The following NFATC2 variants were observed in gnomAD, a reference collection of about 807,000 sequenced individuals.
NFATC2 encodes nuclear factor of activated T cells 2.
A neutral mutation model predicts 87.3 loss-of-function variants in NFATC2; 22 were observed. The observed-to-expected ratio is 0.25, with a 90% CI of 0.18 to 0.36. The LOEUF is 0.36. NFATC2 is among the 10% of genes least tolerant of loss of function. NFATC2 has a pLI of 1.00. For missense variants in NFATC2, 1,149 were observed against 1,259.1 expected (o/e 0.91, Z 1.32); for synonymous variants, 565 against 542.2 (o/e 1.04, Z -0.58).
At chr20:51,507,085 A>AC (rs1197735858) in intron 3 of NFATC2, among the ~76,000 whole-genome samples, 1 of 152,066 alleles carries the variant, frequency 6.6e-6, no homozygotes, top group African/African-American at 2.4e-5. Context: ...TGCTCATTGT[A>AC]CCCCATGCCT....
intron 1 of NFATC2, among the ~76,000 whole-genome samples, chr20:51,550,987 C>T (rs2076928349): frequency 6.6e-6 from 1 of 152,234 alleles, no homozygotes; most frequent in Non-Finnish European, 1.5e-5. Flanking sequence ...TATAATAAAA[C>T]ACTGCTTATA....
chr20:51,459,099 A>ATGAC (rs566244841), intron 5 of NFATC2, among the ~76,000 whole-genome samples: 77 of 152,308 alleles, frequency 5.1e-4, no homozygotes, highest in Middle Eastern at 3.4e-3. Flanking sequence ...GACCCTGCAT[A>ATGAC]TGACTATATG....
In NFATC2 at chr20:51,523,962, C is replaced by T. The variant is rs1436568314; in HGVS notation, c.279G>A (p.Gly93=). ...TGGCCGCGCTCAGAAACTTCTGCGG[C>T]CCTACCCTATCCGGCTCTCCGAATC... The part of the protein sequence containing the change: ...PGRFGEPDRV[G]PQKFLSAAKP... The change falls in exon 2 of 11, where the codon GGG becomes GGA. Residue 93 remains glycine (G), a synonymous_variant. Coordinates refer to ENST00000371564, the MANE Select transcript of NFATC2 (RefSeq NM_012340.5). The surrounding 1 kb of genome is among the most constrained non-coding windows in gnomAD (Gnocchi z 6.9). 11 of 1,589,208 alleles carry T rather than the reference C, an allele frequency of 6.9e-6. No individual in the cohort carries two copies. Among genetic ancestry groups the T allele is most frequent in the South Asian group, 2.3e-5 (2 of 87,074 alleles).
intron 9 of NFATC2, among the ~76,000 whole-genome samples, chr20:51,402,561 A>G (rs1274599628): frequency 6.6e-6 from 1 of 152,220 alleles, no homozygotes; most frequent in Non-Finnish European, 1.5e-5. Context: ...AAACCCACAA[A>G]TCAGCCTGTG....
chr20:51,444,962 T>C lies in NFATC2; in HGVS notation c.1850-9201A>G, dbSNP rs73269948. ...CGAGTCTCCTGCCCCACTACTTCCTTGGTGGGCTTGCCCCAACCATCCCCC... is the reference window on the plus strand; with the variant it reads ...CGAGTCTCCTGCCCCACTACTTCCTCGGTGGGCTTGCCCCAACCATCCCCC... On this transcript the variant is annotated intron_variant, in intron 6 of 10. Coordinates refer to ENST00000371564, the MANE Select transcript of NFATC2 (RefSeq NM_012340.5). Among the ~76,000 whole-genome samples, 1,069 of 152,198 alleles carry C rather than the reference T, an allele frequency of 7.0e-3. 16 individuals carry two copies. Among genetic ancestry groups the C allele is most frequent in the African/African-American group, 0.024 (988 of 41,522 alleles).
chr20:51,551,830 A>G (rs564972816), intron 1 of NFATC2, among the ~76,000 whole-genome samples: 3 of 151,568 alleles, frequency 2.0e-5, no homozygotes, highest in Non-Finnish European at 2.9e-5. Context: ...GATCAAGACC[A>G]TCCTGGCTAA....
intron 3 of NFATC2, among the ~76,000 whole-genome samples, chr20:51,492,012 G>A (rs1254085243): frequency 6.6e-6 from 1 of 151,564 alleles, no homozygotes; most frequent in Non-Finnish European, 1.5e-5. Context: ...CGCCCCCGGA[G>A]TGCCATGAAC....
chr20:51,501,430 G>A (rs1243039896), intron 3 of NFATC2, among the ~76,000 whole-genome samples: 1 of 152,196 alleles, frequency 6.6e-6, no homozygotes, highest in African/African-American at 2.4e-5. Flanking sequence ...CTTAACTCCT[G>A]AATCAGACTC....
intron 1 of NFATC2, among the ~76,000 whole-genome samples, chr20:51,554,142 C>G (rs2076958085): frequency 6.6e-6 from 1 of 152,170 alleles, no homozygotes; most frequent in African/African-American, 2.4e-5. Flanking sequence ...ACCCCCACCG[C>G]CTCCAAAAAA....
chr20:51,471,159 C>T lies in NFATC2; in HGVS notation c.1708+2821G>A, dbSNP rs17199748. On this transcript the variant is annotated intron_variant, in intron 5 of 10. Transcript: ENST00000371564. ...CTTGCTGGAGGTACATGTGGTTAAG[C>T]GATGATCCTCAAAGTCTTAGATCGA... 9.6e-3 allele frequency among the ~76,000 whole-genome samples: 1,457 copies of T among 152,254 alleles called. 51 individuals are homozygous for T. The East Asian group carries it at 0.13, about 14-fold the overall frequency.
In NFATC2 at chr20:51,435,318, T is replaced by TA. The variant is rs764666059; in HGVS notation, c.1906-5dup. On this transcript the variant is annotated splice_region_variant and splice_polypyrimidine_tract_variant and intron_variant, in intron 7 of 10. Transcript: ENST00000371564. ...GGATCTCAACAAAAAGCATGTTCTA[T>TA]AAGGAAGGAGTTGTCATGAACTTAA... 6.2e-6 allele frequency: 10 copies of TA among 1,614,042 alleles called. No individual in the cohort carries two copies. Among genetic ancestry groups the TA allele is most frequent in the Non-Finnish European group, 8.5e-6 (10 of 1,180,026 alleles).
In NFATC2 at chr20:51,471,622, C is replaced by G. The variant is rs141332956; in HGVS notation, c.1708+2358G>C. Reference sequence around the variant, plus strand: ...TCTTCATTCATTTCCAAAGACCAACCAAGACCAAGTTCTGGCTGCTCTCCC... The same window carrying G: ...TCTTCATTCATTTCCAAAGACCAACGAAGACCAAGTTCTGGCTGCTCTCCC... On this transcript the variant is annotated intron_variant, in intron 5 of 10. Transcript: ENST00000371564. 7.1e-3 allele frequency among the ~76,000 whole-genome samples: 1,075 copies of G among 152,310 alleles called. 8 individuals carry two copies. The highest frequency in any genetic ancestry group is 0.024 in the African/African-American group (990 of 41,566).
chr20:51,487,290 C>T (rs967986566), intron 3 of NFATC2, among the ~76,000 whole-genome samples: 1 of 152,176 alleles, frequency 6.6e-6, no homozygotes, highest in Non-Finnish European at 1.5e-5. Flanking sequence ...CCCAGGGATG[C>T]TGGGATGGCA....
chr20:51,415,434 GGCTTCCTGAAGACA>G (rs1979916270), intron 9 of NFATC2, among the ~76,000 whole-genome samples: 1 of 152,016 alleles, frequency 6.6e-6, no homozygotes, highest in Non-Finnish European at 1.5e-5. Flanking sequence ...GGATGGACCC[GGCTTCCTGAAGACA>G]GATGAGGCTT....
At chr20:51,540,662 T>TG (rs1555818341) in intron 1 of NFATC2, among the ~76,000 whole-genome samples, 18 of 143,224 alleles carry the variant, frequency 1.3e-4, no homozygotes, top group Non-Finnish European at 2.5e-4. Flanking sequence ...TTTTTTGTTT[T>TG]TTTTTTTTTG....
intron 6 of NFATC2, among the ~76,000 whole-genome samples, chr20:51,445,608 T>C (rs961993131): frequency 6.6e-6 from 1 of 152,192 alleles, no homozygotes; most frequent in African/African-American, 2.4e-5. Flanking sequence ...ATCCTATATT[T>C]TCCCCCCTAA....
intron 3 of NFATC2, among the ~76,000 whole-genome samples, chr20:51,505,083 A>G (rs2076155397): frequency 1.6e-5 from 2 of 124,964 alleles, no homozygotes; most frequent in African/African-American, 3.1e-5. Flanking sequence ...GTGCGGTCTC[A>G]GCTCACTGCA....
intron 6 of NFATC2, 138 bp from the exon 7 acceptor site, chr20:51,435,899 G>A (rs1983494808): frequency 2.9e-6 from 2 of 693,486 alleles, no homozygotes; most frequent in East Asian, 2.7e-5. Flanking sequence ...ATGTGCACGT[G>A]TGTGTACATA....
chr20:51,417,810 CA>C (rs1980257371), intron 9 of NFATC2, among the ~76,000 whole-genome samples: 1 of 147,048 alleles, frequency 6.8e-6, no homozygotes, highest in Non-Finnish European at 1.5e-5. Flanking sequence ...GAAAGAACAC[CA>C]GTTGATAAGA....
Sources: allele counts gnomAD v4.1 joint callset (sites outside exome capture counted in the v4.1 genomes callset), GRCh38; gene constraint gnomAD v4.1.1; non-coding constraint Gnocchi (gnomAD v3.1); transcripts MANE v1.5; gene names NCBI Gene and HGNC (gene_info 2026-07-23, HGNC 2026-07-21).